The following DLG5 variants were observed in gnomAD, a reference collection of about 807,000 sequenced individuals.
DLG5 encodes the protein disks large homolog 5.
Under a neutral mutation model 189.8 loss-of-function variants are expected in DLG5, and 48 were observed. The observed-to-expected ratio is 0.25, with a 90% CI of 0.20 to 0.32. DLG5 has a LOEUF of 0.32. DLG5 is among the 10% of genes least tolerant of loss of function. The probability of loss-of-function intolerance (pLI) is 1.00; values close to 1 mark genes in which losing one functional copy is unlikely to be tolerated. For synonymous variants in DLG5, 1,016 were observed against 1,054.1 expected (o/e 0.96, Z 0.70); for missense variants, 2,160 against 2,544.7 (o/e 0.85, Z 3.25).
chr10:77,808,963 T>C (rs375695593), intron 24 of DLG5, among the ~76,000 whole-genome samples: 28 of 151,584 alleles, frequency 1.8e-4, no homozygotes, highest in African/African-American at 6.5e-4. Flanking sequence ...GCTGGGCGTG[T>C]TGGCGCATGC....
intron 1 of DLG5, among the ~76,000 whole-genome samples, chr10:77,891,674 C>T (rs1024483071): frequency 1.3e-5 from 2 of 152,014 alleles, no homozygotes; most frequent in African/African-American, 2.4e-5. Context: ...CCTCCAACCC[C>T]GCTACACATC....
At chr10:77,901,817 A>G (rs1405853913) in intron 1 of DLG5, among the ~76,000 whole-genome samples, 1 of 152,190 alleles carries the variant, frequency 6.6e-6, no homozygotes, top group African/African-American at 2.4e-5. Flanking sequence ...GAAGGGCTGG[A>G]AAGACGAGCT....
rs994384143 is a variant in DLG5, at chr10:77,817,837, C to T, written c.3724G>A (p.Asp1242Asn). 1.6e-5 allele frequency: 25 copies of T among 1,554,690 alleles called. No homozygotes were observed. Among genetic ancestry groups the T allele is most frequent in the South Asian group, 3.6e-5 (3 of 84,206 alleles). Residue 1242 changes from aspartate (D) to asparagine (N), a missense_variant, in exon 18 of 32, where the codon GAC (aspartate) becomes AAC (asparagine). Asp to Asn is a conservative substitution (Grantham distance 23). Around this residue, in one of 5 missense-constraint regions of DLG5, gnomAD observed 754 missense variants for 746.5 expected, o/e 1.01. Coordinates refer to ENST00000372391, the MANE Select transcript of DLG5 (RefSeq NM_004747.4). ...TGGGTGGCTCTCATCTCGGAGTAGT[C>T]GCTGCAGGTCCTGTGGCTCAGGTCC... ...SLDLSHRTCS[D>N]YSEMRATHGS...
chr10:77,937,644 T>C, the DLG5 span, among the ~76,000 whole-genome samples: 1 of 151,846 alleles, frequency 6.6e-6, no homozygotes, highest in Non-Finnish European at 1.5e-5. Context: ...TGTTCCCACC[T>C]ACCCCACAAA....
At chr10:77,794,412 G>A (rs560946105) in intron 30 of DLG5, among the ~76,000 whole-genome samples, 50 of 152,352 alleles carry the variant, frequency 3.3e-4, no homozygotes, top group African/African-American at 1.2e-3. Flanking sequence ...GGGCCTTGGT[G>A]AGCCCTTGGC....
chr10:77,844,055 A>G (rs1354127556), intron 5 of DLG5, among the ~76,000 whole-genome samples: 1 of 152,196 alleles, frequency 6.6e-6, no homozygotes, highest in Admixed American at 6.5e-5. Flanking sequence ...AGGCTGATGT[A>G]AAACTTTTCT....
At chr10:77,799,259 T>C (rs1432370547) in intron 27 of DLG5, among the ~76,000 whole-genome samples, 1 of 152,192 alleles carries the variant, frequency 6.6e-6, no homozygotes, top group Non-Finnish European at 1.5e-5. Context: ...TGGCTTTCTT[T>C]AAAAGGTGCT....
At chr10:77,849,151 C>G (rs1430598486) in intron 5 of DLG5, among the ~76,000 whole-genome samples, 1 of 152,226 alleles carries the variant, frequency 6.6e-6, no homozygotes, top group Non-Finnish European at 1.5e-5. Flanking sequence ...TCCCCTAGGG[C>G]TGCCTCATTT....
intron 13 of DLG5, among the ~76,000 whole-genome samples, chr10:77,828,250 C>T (rs1842734268): frequency 6.6e-6 from 1 of 151,992 alleles, no homozygotes; most frequent in Admixed American, 6.6e-5. Context: ...CTTTGGGAAG[C>T]CAAGGCGGGC....
intron 27 of DLG5, among the ~76,000 whole-genome samples, chr10:77,801,940 A>G (rs1365098687): frequency 2.0e-5 from 3 of 152,232 alleles, no homozygotes; most frequent in Non-Finnish European, 4.4e-5. Flanking sequence ...ATAAAACCCC[A>G]CGGGTCCTCT....
chr10:77,799,116 T>C (rs1038671604), intron 27 of DLG5, among the ~76,000 whole-genome samples: 1 of 152,190 alleles, frequency 6.6e-6, no homozygotes, highest in Admixed American at 6.5e-5. Flanking sequence ...AATTACAGAA[T>C]TGTAAGACTA....
rs753764028 is a variant in DLG5 at position 77,821,497 on chromosome 10, C to A, written c.2987G>T (p.Gly996Val). The change falls in exon 15 of 32, where the codon GGG becomes GTG. Residue 996 changes from glycine (G) to valine (V), a missense_variant. Transcript: ENST00000372391. ...GGAGGGCTGGGGAGAGTGAGCAGGC[C>A]CAGGACCTGGAAGCAGGTAGTCTAT... ...PKIDYLLPGP[G>V]PAHSPQPSKR... The A allele has an allele frequency of 3.1e-6, 5 of 1,612,570 alleles. No individual in the cohort carries two copies. Among genetic ancestry groups the A allele is most frequent in the South Asian group, 2.2e-5 (2 of 91,062 alleles).
chr10:77,829,661 T>C (rs1228517122), intron 11 of DLG5, 131 bp from the exon 12 acceptor site: 17 of 1,120,668 alleles, frequency 1.5e-5, no homozygotes, highest in Non-Finnish European at 2.0e-5. Flanking sequence ...AAATCTCCTC[T>C]TGCAGGAGTG....
At chr10:77,805,256 C>A (rs1841409774) in intron 27 of DLG5, among the ~76,000 whole-genome samples, 1 of 152,204 alleles carries the variant, frequency 6.6e-6, no homozygotes, top group African/African-American at 2.4e-5. Context: ...ACGTGTGAGC[C>A]ACTGTGCCTG....
At chr10:77,810,981 G>T (rs1440073890) in intron 23 of DLG5, 113 bp downstream of exon 23, 3 of 1,343,798 alleles carry the variant, frequency 2.2e-6, no homozygotes, top group African/African-American at 2.9e-5. Flanking sequence ...GACCTGGTGT[G>T]CGGCCTGCAG....
At chr10:77,809,413 A>G in intron 24 of DLG5, 134 bp downstream of exon 24, 2 of 1,013,778 alleles carry the variant, frequency 2.0e-6, no homozygotes, top group Non-Finnish European at 2.9e-6. Flanking sequence ...CTCAACAACA[A>G]CAACAAAAGT....
At chr10:77,809,871 T>C in intron 23 of DLG5, 141 bp from the exon 24 acceptor site, 1 of 991,138 alleles carries the variant, frequency 1.0e-6, no homozygotes, top group South Asian at 1.7e-5. Flanking sequence ...GGCCTCTAGT[T>C]CTACTGGCTC....
In DLG5 at chr10:77,926,411, C is replaced by T. The variant is rs1846695339; in HGVS notation, c.110G>A (p.Ser37Asn). The T allele has an allele frequency of 1.9e-6, 3 of 1,584,122 alleles. No individual in the cohort carries two copies. The highest frequency in any genetic ancestry group is 2.6e-6 in the Non-Finnish European group (3 of 1,167,564). ...GTCCAGCTGCCGCCGCTCGCCGGGACTGAGCGCTCCCGCGGCCTCGAGCAG... is the reference window on the plus strand; with the variant it reads ...GTCCAGCTGCCGCCGCTCGCCGGGATTGAGCGCTCCCGCGGCCTCGAGCAG... ...LGLLEAAGAL[S>N]PGERRQLDEE... Residue 37 changes from serine (S) to asparagine (N), a missense_variant, in exon 1 of 32, where the codon AGT becomes AAT. Physicochemically the swap from Ser to Asn is conservative, Grantham distance 46. This residue lies in a region of DLG5 where 664 missense variants were observed against 838.5 expected (regional missense o/e 0.79). Transcript: ENST00000372391. This position sits in a 1 kb window ranked among gnomAD's most constrained non-coding sequence, Gnocchi z 5.2.
chr10:77,816,284 G>A, intron 20 of DLG5: 3 of 684,122 alleles, frequency 4.4e-6, no homozygotes, highest in Non-Finnish European at 8.0e-6. Context: ...AGGTGTAAAT[G>A]GTGCCATGAT....
Sources: allele counts gnomAD v4.1 joint callset (sites outside exome capture counted in the v4.1 genomes callset), GRCh38; gene constraint gnomAD v4.1.1; regional missense constraint gnomAD v4.1.1; non-coding constraint Gnocchi (gnomAD v3.1); transcripts MANE v1.5; gene names NCBI Gene and HGNC (gene_info 2026-07-23, HGNC 2026-07-21).